Variants in TEC observed in about 807,000 individuals in gnomAD.
The protein encoded by TEC is tyrosine-protein kinase Tec.
In TEC, 72 loss-of-function variants were observed where a neutral mutation model predicts 93.0. That is an observed-to-expected ratio of 0.77 (90% confidence interval 0.64 to 0.94). TEC has a LOEUF of 0.94. Ranked by LOEUF, TEC falls within the 40% of genes least tolerant of loss-of-function variation. The probability of loss-of-function intolerance (pLI) is 0.00; values close to 1 mark genes in which losing one functional copy is unlikely to be tolerated. For synonymous variants in TEC, 249 were observed against 247.7 expected (o/e 1.01, Z -0.05); for missense variants, 630 against 757.9 (o/e 0.83, Z 1.98).
intron 1 of TEC, among the ~76,000 whole-genome samples, chr4:48,238,680 TTA>T (rs1053038825): frequency 3.1e-4 from 46 of 149,794 alleles, no homozygotes; most frequent in East Asian, 9.7e-4. Context: ...TTATGTAAAT[TTA>T]TATATATGTA....
At chr4:48,181,860 TAGGAAA>T in intron 2 of TEC, among the ~76,000 whole-genome samples, 1 of 152,118 alleles carries the variant, frequency 6.6e-6, no homozygotes, top group Non-Finnish European at 1.5e-5. Flanking sequence ...ATAAAAGCTT[TAGGAAA>T]TGATTTCTGA....
chr4:48,217,892 G>A (rs1180232846), intron 2 of TEC, among the ~76,000 whole-genome samples: 6 of 151,840 alleles, frequency 4.0e-5, no homozygotes, highest in Admixed American at 1.3e-4. Flanking sequence ...AATGTCTAGG[G>A]GTATGGATGG....
At chr4:48,226,253 T>C (rs1723456714) in intron 2 of TEC, among the ~76,000 whole-genome samples, 1 of 151,612 alleles carries the variant, frequency 6.6e-6, no homozygotes, top group Admixed American at 6.6e-5. Context: ...AAAAATTGCA[T>C]TTTACCACTT....
chr4:48,137,027 T>A lies in TEC; in HGVS notation c.*389A>T, dbSNP rs923254682. On this transcript the variant is annotated 3_prime_UTR_variant, in exon 18 of 18. Transcript: ENST00000381501. ...TAGAAGTCAAAGGGAAAAAGAAGGG[T>A]TGCTTGGTCATGACTCTAATACCCT... 6 of 162,322 alleles carry A rather than the reference T, an allele frequency of 3.7e-5. No homozygotes were observed. The highest frequency in any genetic ancestry group is 1.4e-4 in the African/African-American group (6 of 41,820). 10.1% of individuals were successfully genotyped at this position (162,322 alleles called of 1,614,324 possible).
intron 2 of TEC, among the ~76,000 whole-genome samples, chr4:48,217,392 G>A (rs1472969984): frequency 1.3e-5 from 2 of 152,270 alleles, no homozygotes; most frequent in Non-Finnish European, 2.9e-5. Flanking sequence ...GTGAGATACC[G>A]CGCCCAGCCA....
chr4:48,176,337 C>G (rs564677840), intron 2 of TEC, 151 bp from the exon 3 acceptor site: 1 of 614,434 alleles, frequency 1.6e-6, no homozygotes, highest in East Asian at 2.8e-5. Flanking sequence ...TAAAATTATT[C>G]AAAATACTAA....
rs149649815 is a variant in TEC, at chr4:48,138,706, A to C, written c.1771T>G (p.Ser591Ala). Residue 591 changes from serine to alanine, a missense_variant, in exon 17 of 18, where the codon TCC becomes GCC. Coordinates refer to ENST00000381501, the MANE Select transcript of TEC (RefSeq NM_003215.3). ...AGCATCACCTCATACACATAGTTGG[A>C]CGCCAACTTCGGCTGGTAGAGTCGG... ...GHRLYQPKLA[S>A]NYVYEVMLRC... is the part of the protein sequence containing the mutation. 1.5e-5 allele frequency: 25 copies of C among 1,614,094 alleles called. No individual in the cohort carries two copies. In the African/African-American group the frequency reaches 2.4e-4, roughly 15 times the overall value.
At position 48,138,914 on chromosome 4, in the gene TEC, G is replaced by A. The variant is rs1719545258; in HGVS notation, c.1644C>T (p.Val548=). 6.2e-7 allele frequency: 1 copy of A among 1,614,210 alleles called. No homozygotes were observed. The highest frequency in any genetic ancestry group is 1.7e-5 in the Admixed American group (1 of 60,032). The change falls in exon 16 of 18, where the codon GTC becomes GTT. Residue 548 remains valine, a synonymous_variant. Transcript: ENST00000381501. The part of the protein sequence containing the change: ...NYSRFSSKSD[V]WSFGVLMWEV... The stretch of plus-strand genomic sequence containing the variant: ...AAACATGGATCTTACCAAATGACCA[G>A]ACATCTGATTTGCTGCTGAAGCGGC...
At chr4:48,149,412 A>T (rs907119051) in intron 11 of TEC, 145 bp downstream of exon 11, 26 of 796,986 alleles carry the variant, frequency 3.3e-5, no homozygotes, top group Admixed American at 1.8e-4. Flanking sequence ...TGTATATATC[A>T]TTCCTTTAAT....
intron 2 of TEC, 74 bp downstream of exon 2, chr4:48,228,403 T>C (rs1723545311): frequency 1.4e-6 from 2 of 1,436,536 alleles, no homozygotes; most frequent in South Asian, 1.5e-5. Context: ...TTCAATAAGA[T>C]TGGAGAGGCA....
rs758673994 is a variant in TEC at position 48,170,261 on chromosome 4, A to T, written c.441T>A (p.Asn147Lys). Reference protein sequence around the residue: ...EKLAPGCEKYNLFESSIRKAL... With the variant: ...EKLAPGCEKYKLFESSIRKAL... ...ATGAATACTTACTGCTCTCAAAAAG[A>T]TTGTATTTTTCACATCCGGGTGCTA... The change falls in exon 5 of 18, where the codon AAT becomes AAA. Residue 147 changes from asparagine to lysine, a missense_variant. By Grantham distance (94) the Asn-to-Lys change is moderately conservative. Around this residue, in one of 3 missense-constraint regions of TEC, gnomAD observed 335 missense variants for 351.5 expected, o/e 0.95. Coordinates refer to ENST00000381501, the MANE Select transcript of TEC (RefSeq NM_003215.3). 7.5e-6 allele frequency: 12 copies of T among 1,593,462 alleles called. No homozygotes were observed. The Admixed American group carries it at 2.0e-4, about 27-fold the overall frequency.
intron 7 of TEC, 90 bp from the exon 8 acceptor site, chr4:48,163,857 G>A: frequency 1.5e-6 from 1 of 660,514 alleles, no homozygotes. Flanking sequence ...AATAAAGCAT[G>A]ACATTGCTTA....
chr4:48,257,270 A>C (rs562186757), intron 1 of TEC, among the ~76,000 whole-genome samples: 1 of 152,190 alleles, frequency 6.6e-6, no homozygotes, highest in South Asian at 2.1e-4. Flanking sequence ...GAAAATTTTA[A>C]ATTACATATG....
At chr4:48,264,927 C>T (rs1456634222) in intron 1 of TEC, among the ~76,000 whole-genome samples, 27 of 152,140 alleles carry the variant, frequency 1.8e-4, no homozygotes, top group Non-Finnish European at 1.5e-5. Flanking sequence ...GCGTGAGCCA[C>T]CCTGCCTGAA....
intron 8 of TEC, among the ~76,000 whole-genome samples, chr4:48,158,817 CT>C (rs1175506496): frequency 6.6e-6 from 1 of 152,166 alleles, no homozygotes; most frequent in African/African-American, 2.4e-5. Flanking sequence ...AAGGAATCCA[CT>C]GCACAAAAGG....
intron 8 of TEC, among the ~76,000 whole-genome samples, chr4:48,162,322 G>C (rs1720705012): frequency 6.6e-6 from 1 of 152,186 alleles, no homozygotes; most frequent in African/African-American, 2.4e-5. Flanking sequence ...TCTTGGAAGA[G>C]AGAAAATTTC....
chr4:48,212,110 A>AAAAAAAAATAT, intron 2 of TEC, among the ~76,000 whole-genome samples: 10 of 122,250 alleles, frequency 8.2e-5, no homozygotes, highest in African/African-American at 2.7e-4. Context: ...AAAAAAAAAA[A>AAAAAAAAATAT]ATATATATAT....
chr4:48,238,899 C>G (rs371456383), intron 1 of TEC, among the ~76,000 whole-genome samples: 18 of 151,996 alleles, frequency 1.2e-4, no homozygotes, highest in South Asian at 4.2e-4. Context: ...CTCAACTTCC[C>G]TTATGCATCC....
intron 1 of TEC, among the ~76,000 whole-genome samples, chr4:48,268,407 C>T (rs1724694998): frequency 6.6e-6 from 1 of 152,174 alleles, no homozygotes; most frequent in African/African-American, 2.4e-5. Context: ...TAAGCATCTG[C>T]GTTGGCAAGA....
Sources: allele counts gnomAD v4.1 joint callset (sites outside exome capture counted in the v4.1 genomes callset), GRCh38; gene constraint gnomAD v4.1.1; regional missense constraint gnomAD v4.1.1; transcripts MANE v1.5; gene names NCBI Gene and HGNC (gene_info 2026-07-23, HGNC 2026-07-21).